AHDC1: variants seen among roughly 807,000 people sequenced by gnomAD.
The protein encoded by AHDC1 is AT-hook DNA binding motif containing 1, also known as transcription factor Gibbin.
In AHDC1, 7 loss-of-function variants were observed where a neutral mutation model predicts 87.9. That is an observed-to-expected ratio of 0.08 (90% CI 0.05 to 0.15). The LOEUF (loss-of-function observed/expected upper bound fraction) is 0.15, where lower values mean the gene tolerates loss of function less well. AHDC1 is among the 10% of genes least tolerant of loss of function. AHDC1 has a pLI of 1.00. For missense variants in AHDC1, 1,841 were observed against 2,253.2 expected, an observed-to-expected ratio of 0.82 and a Z score of 3.70; for synonymous variants, 1,051 against 1,006.8, an observed-to-expected ratio of 1.04 and a Z score of -0.83.
rs1003761146 is a variant in AHDC1, at chr1:27,590,188, G to A, written c.-629+13209C>T. 3.9e-5 allele frequency among the ~76,000 whole-genome samples: 6 copies of A among 152,220 alleles called. No individual in the cohort carries two copies. Among genetic ancestry groups the A allele is most frequent in the Non-Finnish European group, 7.3e-5 (5 of 68,030 alleles). ...ATCTCTCAGCAACAAGATTCCTGGT[G>A]AGCAGGCTGCGGGGTTTGGCAGCGC... On this transcript the variant is annotated intron_variant, in intron 3 of 8. Coordinates refer to ENST00000673934, the MANE Select transcript of AHDC1 (RefSeq NM_001371928.1). This position sits in a 1 kb window ranked among gnomAD's most constrained non-coding sequence, Gnocchi z 5.4.
In AHDC1 at chr1:27,550,021, C is replaced by G. The variant is rs1490736595; in HGVS notation, c.2095G>C (p.Gly699Arg). 1 of 1,598,592 alleles carries G rather than the reference C, an allele frequency of 6.3e-7. No homozygotes were observed. Among genetic ancestry groups the G allele is most frequent in the Non-Finnish European group, 8.5e-7 (1 of 1,170,018 alleles). Residue 699 changes from glycine (G) to arginine (R), a missense_variant, in exon 8 of 9, where the codon GGC becomes CGC. Transcript: ENST00000673934. Reference protein sequence around the residue: ...CSFSDFFEGIGKKKKVVAVAA... With the variant: ...CSFSDFFEGIRKKKKVVAVAA... The stretch of plus-strand genomic sequence containing the variant: ...ACGGCCACCACCTTCTTTTTCTTGC[C>G]GATGCCCTCAAAGAAGTCACTGAAG...
chr1:27,600,997 G>A (rs1341534873), intron 3 of AHDC1, among the ~76,000 whole-genome samples: 2 of 151,976 alleles, frequency 1.3e-5, no homozygotes, highest in African/African-American at 4.8e-5. Context: ...GAGGGTGGTA[G>A]GGGCTCCCTG....
At position 27,538,400 on chromosome 1, in the gene AHDC1, C is replaced by CAAAAAAAAAAAA. The variant is rs370786800; in HGVS notation, c.*44-3496_*44-3485dup. 3.8e-3 allele frequency among the ~76,000 whole-genome samples: 228 copies of CAAAAAAAAAAAA among 60,644 alleles called. 7 individuals carry two copies. Among genetic ancestry groups the CAAAAAAAAAAAA allele is most frequent in the East Asian group, 9.6e-3 (17 of 1,778 alleles). 39.8% of individuals were successfully genotyped at this position (60,644 alleles called of 152,430 possible). A position where few individuals can be genotyped will look rare whatever the true frequency, so the allele number is the denominator to read the frequency against. On this transcript the variant is annotated intron_variant, in intron 8 of 8. Transcript: ENST00000673934. The stretch of plus-strand genomic sequence containing the variant: ...CCTGGGTGACAGAGCAAGACTGTCT[C>CAAAAAAAAAAAA]AAAAAAAAAAAAAAAAAACCAGAAA...
At chr1:27,566,816 G>A (rs537815738) in intron 3 of AHDC1, among the ~76,000 whole-genome samples, 1 of 147,044 alleles carries the variant, frequency 6.8e-6, no homozygotes, top group African/African-American at 2.5e-5. Flanking sequence ...CTGCTAGGGT[G>A]GGGGGAAGAA....
chr1:27,559,403 G>A (rs1424592864), intron 3 of AHDC1, among the ~76,000 whole-genome samples: 1 of 152,072 alleles, frequency 6.6e-6, no homozygotes, highest in Non-Finnish European at 1.5e-5. Flanking sequence ...CAATGTTTTT[G>A]CACATCTATG....
chr1:27,540,912 G>C (rs1432031969), intron 8 of AHDC1, among the ~76,000 whole-genome samples: 1 of 146,506 alleles, frequency 6.8e-6, no homozygotes, highest in Non-Finnish European at 1.5e-5. Context: ...AGAAGGTGTA[G>C]AGCAATGGAG....
At chr1:27,546,862 C>G (rs1401861518) in intron 8 of AHDC1, among the ~76,000 whole-genome samples, 1 of 152,218 alleles carries the variant, frequency 6.6e-6, no homozygotes, top group Non-Finnish European at 1.5e-5. Flanking sequence ...CTCCCTTCAC[C>G]TGTCTCACAC....
chr1:27,586,477 T>C (rs1322793793), intron 3 of AHDC1, among the ~76,000 whole-genome samples: 1 of 152,178 alleles, frequency 6.6e-6, no homozygotes, highest in African/African-American at 2.4e-5. Context: ...TAGGTTATGA[T>C]AGGCGATTAC....
intron 3 of AHDC1, among the ~76,000 whole-genome samples, chr1:27,587,914 T>C (rs1286780351): frequency 1.3e-5 from 2 of 152,118 alleles, no homozygotes. Flanking sequence ...CTCCTCTCCA[T>C]CCTACTCACC....
rs1305606368 is a variant in AHDC1 at position 27,595,089 on chromosome 1, C to T, written c.-629+8308G>A. 1.3e-5 allele frequency among the ~76,000 whole-genome samples: 2 copies of T among 152,008 alleles called. No individual in the cohort carries two copies. Among genetic ancestry groups the T allele is most frequent in the South Asian group, 2.1e-4 (1 of 4,818 alleles). On this transcript the variant is annotated intron_variant, in intron 3 of 8. Coordinates refer to ENST00000673934, the MANE Select transcript of AHDC1 (RefSeq NM_001371928.1). The surrounding 1 kb of genome is among the most constrained non-coding windows in gnomAD (Gnocchi z 4.0). ...AAGTTTCAGGAGGTATTAGAAGCTT[C>T]GGGGCCTGATCTGTTAGAGATATAC...
In AHDC1 at chr1:27,592,577, C is replaced by T. The variant is rs182561653; in HGVS notation, c.-629+10820G>A. The stretch of plus-strand genomic sequence containing the variant: ...CTTTCCCAAACATCCCCCGCCCTCC[C>T]CCCCCCAGGCCCTGCTCTTAGCTGA... On this transcript the variant is annotated intron_variant, in intron 3 of 8. Transcript: ENST00000673934. Among the ~76,000 whole-genome samples the T allele has an allele frequency of 5.3e-4, 81 of 151,980 alleles. 2 individuals carry two copies. The highest frequency in any genetic ancestry group is 4.6e-3 in the Admixed American group (71 of 15,292).
In AHDC1 at chr1:27,603,771, T is replaced by G. The variant is rs1465035668; in HGVS notation, c.-770A>C. ...CGCGTAGTCCTCCTGCTCCTCCTCC[T>G]CCGCCCTCCTCCCTCCCGCTCTCTC... On this transcript the variant is annotated 5_prime_UTR_variant, in exon 2 of 9. Coordinates refer to ENST00000673934, the MANE Select transcript of AHDC1 (RefSeq NM_001371928.1). The G allele has an allele frequency of 7.9e-6, 1 of 126,158 alleles. No individual in the cohort carries two copies. The highest frequency in any genetic ancestry group is 3.0e-5 in the African/African-American group (1 of 33,448). 7.8% of individuals were successfully genotyped at this position (126,158 alleles called of 1,614,324 possible).
At chr1:27,577,238 C>T (rs1449745272) in intron 3 of AHDC1, among the ~76,000 whole-genome samples, 1 of 152,212 alleles carries the variant, frequency 6.6e-6, no homozygotes, top group East Asian at 1.9e-4. Flanking sequence ...AAGAAAATTG[C>T]CTTTGGCCAG....
At position 27,551,981 on chromosome 1, in the gene AHDC1, G is replaced by A; in HGVS notation, c.135C>T (p.Ala45=). 2.7e-6 allele frequency: 4 copies of A among 1,488,300 alleles called. No individual in the cohort carries two copies. Among genetic ancestry groups the A allele is most frequent in the Non-Finnish European group, 3.6e-6 (4 of 1,117,830 alleles). 92.2% of individuals were successfully genotyped at this position (1,488,300 alleles called of 1,614,324 possible). A position where few individuals can be genotyped will look rare whatever the true frequency, so the allele number is the denominator to read the frequency against. The change falls in exon 8 of 9, where the codon GCC becomes GCT. Residue 45 remains alanine, a synonymous_variant. Transcript: ENST00000673934. ...PRPLLPTRPP[A]SPPDKAFSTH... ...TGGAGAAGGCCTTGTCAGGTGGGCTGGCAGGGGGCCGGGTGGGAAGCAGGG... is the reference window on the plus strand; with the variant it reads ...TGGAGAAGGCCTTGTCAGGTGGGCTAGCAGGGGGCCGGGTGGGAAGCAGGG...
chr1:27,589,645 G>A (rs574776385), intron 3 of AHDC1, among the ~76,000 whole-genome samples: 15 of 152,264 alleles, frequency 9.9e-5, no homozygotes, highest in African/African-American at 3.6e-4. Flanking sequence ...GTTGTAGTAT[G>A]GAGATGCTTA....
At chr1:27,592,178 A>G (rs1324113050) in intron 3 of AHDC1, among the ~76,000 whole-genome samples, 1 of 152,192 alleles carries the variant, frequency 6.6e-6, no homozygotes, top group African/African-American at 2.4e-5. Context: ...CTGAGCCCAG[A>G]GTCTATGTGT....
rs375447831 is a variant in AHDC1 at position 27,576,408 on chromosome 1, T to A, written c.-628-17525A>T. Among the ~76,000 whole-genome samples, 32 of 152,332 alleles carry A rather than the reference T, an allele frequency of 2.1e-4. 1 individual carries two copies. The highest frequency in any genetic ancestry group is 7.0e-4 in the African/African-American group (29 of 41,572). On this transcript the variant is annotated intron_variant, in intron 3 of 8. Transcript: ENST00000673934. ...TGCGTTTTCACTGACCACCTATTTGTGCCTAGCGACTACCCAATGGTCACT... is the reference window on the plus strand; with the variant it reads ...TGCGTTTTCACTGACCACCTATTTGAGCCTAGCGACTACCCAATGGTCACT...
chr1:27,593,953 C>A lies in AHDC1; in HGVS notation c.-629+9444G>T, dbSNP rs929459794. 6.6e-6 allele frequency among the ~76,000 whole-genome samples: 1 copy of A among 152,160 alleles called. No homozygotes were observed. The highest frequency in any genetic ancestry group is 2.4e-5 in the African/African-American group (1 of 41,428). On this transcript the variant is annotated intron_variant, in intron 3 of 8. Transcript: ENST00000673934. This position sits in a 1 kb window ranked among gnomAD's most constrained non-coding sequence, Gnocchi z 4.9. ...GGATCAGTGGAGCCCTTCTGTGAGCCTTCCCTCAGCAAGAGAGGAGGCACG... is the reference window on the plus strand; with the variant it reads ...GGATCAGTGGAGCCCTTCTGTGAGCATTCCCTCAGCAAGAGAGGAGGCACG...
intron 8 of AHDC1, among the ~76,000 whole-genome samples, chr1:27,538,400 CAAAAA>C (rs370786800): frequency 8.2e-5 from 5 of 60,702 alleles, no homozygotes; most frequent in Non-Finnish European, 1.4e-4. Flanking sequence ...AAGACTGTCT[CAAAAA>C]AAAAAAAAAA....
Sources: allele counts gnomAD v4.1 joint callset (sites outside exome capture counted in the v4.1 genomes callset), GRCh38; gene constraint gnomAD v4.1.1; non-coding constraint Gnocchi (gnomAD v3.1); transcripts MANE v1.5; gene names NCBI Gene and HGNC (gene_info 2026-07-23, HGNC 2026-07-21).